The following TFDP2 variants were observed in gnomAD, a reference collection of about 807,000 sequenced individuals.
TFDP2 encodes the protein transcription factor Dp-2.
Under a neutral mutation model 59.3 loss-of-function variants are expected in TFDP2, and 17 were observed. That is an observed-to-expected ratio of 0.29 (90% confidence interval 0.20 to 0.43). TFDP2 has a LOEUF of 0.43. Ranked by LOEUF, TFDP2 falls within the 20% of genes least tolerant of loss-of-function variation. The pLI is 1.00. For missense variants in TFDP2, 391 were observed against 528.8 expected (o/e 0.74, Z 2.56); for synonymous variants, 180 against 194.7 (o/e 0.92, Z 0.63).
intron 7 of TFDP2, 123 bp from the exon 8 acceptor site, chr3:141,974,314 G>A: frequency 1.3e-6 from 1 of 797,074 alleles, no homozygotes; most frequent in Non-Finnish European, 1.8e-6. Context: ...TTTTTATTTA[G>A]CCAACTGACA....
chr3:142,016,590 C>T (rs1449996287), intron 3 of TFDP2, among the ~76,000 whole-genome samples: 1 of 152,198 alleles, frequency 6.6e-6, no homozygotes, highest in Non-Finnish European at 1.5e-5. Context: ...CATGAGCCAC[C>T]ACACCTGGCC....
chr3:142,063,617 A>G (rs77306759), intron 3 of TFDP2, among the ~76,000 whole-genome samples: 2,156 of 152,354 alleles, frequency 0.014, 77 homozygotes, highest in Admixed American at 0.076. Flanking sequence ...ATGTTTGCAC[A>G]TTAAAATTGG....
At chr3:142,048,665 A>G (rs1387136706) in intron 3 of TFDP2, among the ~76,000 whole-genome samples, 1 of 152,138 alleles carries the variant, frequency 6.6e-6, no homozygotes, top group Non-Finnish European at 1.5e-5. Context: ...TCCCAGGCTC[A>G]AGCAACCCTC....
Position 142,121,187 on chromosome 3 carries a change from T to C in TFDP2, c.-92-19346A>G, listed in dbSNP as rs1375264710. ...GAAGTTTTAACCAGCAACTGAGGGGTGATGGGGACTAATGAGAGTCAGGCT... is the reference window on the plus strand; with the variant it reads ...GAAGTTTTAACCAGCAACTGAGGGGCGATGGGGACTAATGAGAGTCAGGCT... On this transcript the variant is annotated intron_variant, in intron 1 of 12. Coordinates refer to ENST00000489671, the MANE Select transcript of TFDP2 (RefSeq NM_001178139.2). The surrounding 1 kb of genome is among the most constrained non-coding windows in gnomAD (Gnocchi z 4.3). Among the ~76,000 whole-genome samples the C allele has an allele frequency of 2.0e-5, 3 of 152,094 alleles. No homozygotes were observed. Among genetic ancestry groups the C allele is most frequent in the Non-Finnish European group, 4.4e-5 (3 of 68,034 alleles).
intron 3 of TFDP2, among the ~76,000 whole-genome samples, chr3:142,057,322 TGA>T (rs2059780178): frequency 6.6e-6 from 1 of 152,170 alleles, no homozygotes; most frequent in Non-Finnish European, 1.5e-5. Context: ...CTTAATCACT[TGA>T]GAGAGTTGTG....
intron 3 of TFDP2, chr3:142,029,138 G>A (rs1205532189): frequency 6.6e-6 from 1 of 152,582 alleles, no homozygotes; most frequent in Non-Finnish European, 1.5e-5. Flanking sequence ...TGAAAGCAGA[G>A]CAAAAGCACC....
intron 1 of TFDP2, among the ~76,000 whole-genome samples, chr3:142,125,547 T>TTA (rs1311842926): frequency 2.6e-5 from 4 of 152,026 alleles, no homozygotes; most frequent in Non-Finnish European, 5.9e-5. Context: ...ACAGTGTCAT[T>TTA]TATATAGCAA....
rs369009055 is a variant in TFDP2 at position 141,958,367 on chromosome 3, G to A, written c.1051+1307C>T. Among the ~76,000 whole-genome samples, 154 of 151,940 alleles carry A rather than the reference G, an allele frequency of 1.0e-3. 1 individual carries two copies. The highest frequency in any genetic ancestry group is 3.5e-3 in the African/African-American group (146 of 41,416). On this transcript the variant is annotated intron_variant, in intron 11 of 12. Transcript: ENST00000489671. ...GGATGACTCTAAAGAACATAATATC[G>A]AGTGAAAAAAAATCAAATCACCAAA...
intron 7 of TFDP2, among the ~76,000 whole-genome samples, chr3:141,977,039 A>C (rs905644264): frequency 1.3e-5 from 2 of 150,078 alleles, no homozygotes; most frequent in African/African-American, 2.5e-5. Context: ...ATAATATATC[A>C]GAATCAATAG....
chr3:142,055,235 G>A (rs2059700746), intron 3 of TFDP2, among the ~76,000 whole-genome samples: 1 of 152,040 alleles, frequency 6.6e-6, no homozygotes, highest in African/African-American at 2.4e-5. Context: ...GGTGTGTTGT[G>A]GCCATAGTAA....
At chr3:142,111,364 G>A (rs112139534) in intron 1 of TFDP2, among the ~76,000 whole-genome samples, 2 of 148,010 alleles carry the variant, frequency 1.4e-5, no homozygotes, top group African/African-American at 2.5e-5. Context: ...GCAGGCGGAG[G>A]TTGCAGTTAG....
intron 3 of TFDP2, among the ~76,000 whole-genome samples, chr3:142,061,889 TACACACACACACACAC>T (rs71153939): frequency 2.6e-4 from 21 of 79,952 alleles, no homozygotes; most frequent in African/African-American, 4.2e-4. Flanking sequence ...TCTCTCTCTC[TACACACACACACACAC>T]ACACACACAC....
chr3:142,002,782 A>G (rs1377914896), intron 4 of TFDP2, among the ~76,000 whole-genome samples: 3 of 152,184 alleles, frequency 2.0e-5, no homozygotes, highest in Admixed American at 2.0e-4. Flanking sequence ...GCCACACCCC[A>G]GTTCTTGGCA....
At chr3:142,001,860 GTTGTTGTT>G (rs1560009407) in intron 4 of TFDP2, among the ~76,000 whole-genome samples, 2 of 151,930 alleles carry the variant, frequency 1.3e-5, no homozygotes, top group African/African-American at 2.4e-5. Context: ...CACTTTTTTG[GTTGTTGTT>G]TAGTTCTTTT....
At chr3:142,105,021 T>C (rs961934681) in intron 1 of TFDP2, among the ~76,000 whole-genome samples, 2 of 152,288 alleles carry the variant, frequency 1.3e-5, no homozygotes, top group Admixed American at 6.5e-5. Flanking sequence ...AGAGCCTCCA[T>C]GTCTTCATCT....
chr3:142,024,687 C>G (rs1453468770), intron 3 of TFDP2, among the ~76,000 whole-genome samples: 1 of 152,154 alleles, frequency 6.6e-6, no homozygotes, highest in African/African-American at 2.4e-5. Context: ...GCAAGAACTT[C>G]AGGTACTCCT....
chr3:142,109,758 GA>G (rs377543523), intron 1 of TFDP2, among the ~76,000 whole-genome samples: 1 of 151,900 alleles, frequency 6.6e-6, no homozygotes, highest in African/African-American at 2.4e-5. Flanking sequence ...ATTTTTAGCA[GA>G]AAAAAATAGT....
At chr3:142,061,889 TACACACACACACACACACACACAC>T (rs71153939) in intron 3 of TFDP2, among the ~76,000 whole-genome samples, 6 of 79,956 alleles carry the variant, frequency 7.5e-5, no homozygotes, top group Admixed American at 2.9e-4. Flanking sequence ...TCTCTCTCTC[TACACACACACACACACACACACAC>T]ACACACACAC....
chr3:142,143,949 T>C (rs950746665), intron 1 of TFDP2, among the ~76,000 whole-genome samples: 1 of 152,222 alleles, frequency 6.6e-6, no homozygotes. Flanking sequence ...GATATCTGCA[T>C]TCCTATGTTT....
Sources: allele counts gnomAD v4.1 joint callset (sites outside exome capture counted in the v4.1 genomes callset), GRCh38; gene constraint gnomAD v4.1.1; non-coding constraint Gnocchi (gnomAD v3.1); transcripts MANE v1.5; gene names NCBI Gene and HGNC (gene_info 2026-07-23, HGNC 2026-07-21).